The following RTN4RL1 variants were observed in gnomAD, a reference collection of about 807,000 sequenced individuals.
RTN4RL1 encodes reticulon 4 receptor like 1, also known as reticulon-4 receptor-like 1.
Under a neutral mutation model 25.6 loss-of-function variants are expected in RTN4RL1, and 7 were observed. That is an observed-to-expected ratio of 0.27 (90% CI 0.16 to 0.51). The LOEUF is 0.51. Among genes scored for constraint, RTN4RL1 ranks in the 20% least tolerant of loss-of-function variants. RTN4RL1 has a pLI of 0.97. For missense variants in RTN4RL1, 500 were observed against 615.6 expected, an observed-to-expected ratio of 0.81 and a Z score of 1.99; for synonymous variants, 297 against 288.2, an observed-to-expected ratio of 1.03 and a Z score of -0.31.
chr17:1,947,716 C>G (rs1400606211), intron 1 of RTN4RL1, among the ~76,000 whole-genome samples: 1 of 152,258 alleles, frequency 6.6e-6, no homozygotes, highest in Non-Finnish European at 1.5e-5. Context: ...CCCCTACCCT[C>G]TGCCCATCGG....
intron 1 of RTN4RL1, among the ~76,000 whole-genome samples, chr17:1,949,696 C>G (rs1395171562): frequency 6.6e-6 from 1 of 152,164 alleles, no homozygotes; most frequent in Non-Finnish European, 1.5e-5. Flanking sequence ...GCAAGAGGCT[C>G]GGCTCCTTCC....
intron 1 of RTN4RL1, among the ~76,000 whole-genome samples, chr17:2,005,451 C>T (rs1393685760): frequency 6.6e-6 from 1 of 152,226 alleles, no homozygotes; most frequent in Non-Finnish European, 1.5e-5. Context: ...TTAATCACTC[C>T]ACTCAGAGGT....
intron 1 of RTN4RL1, among the ~76,000 whole-genome samples, chr17:1,948,405 C>A (rs72808043): frequency 0.014 from 2,131 of 152,376 alleles, 29 homozygotes; most frequent in Non-Finnish European, 0.022. Context: ...GGGCTGAAGG[C>A]CGAGGGCTTC....
intron 1 of RTN4RL1, among the ~76,000 whole-genome samples, chr17:1,951,483 G>A (rs191037685): frequency 6.0e-4 from 90 of 151,234 alleles, no homozygotes; most frequent in African/African-American, 1.7e-3. Context: ...ACAGAGTCTC[G>A]CTCTGTCTCA....
At chr17:1,973,091 G>C (rs894542089) in intron 1 of RTN4RL1, among the ~76,000 whole-genome samples, 1 of 152,168 alleles carries the variant, frequency 6.6e-6, no homozygotes, top group African/African-American at 2.4e-5. Flanking sequence ...GGCTGGGCAC[G>C]GCGGCTCATG....
At chr17:1,976,962 C>T (rs1013899870) in intron 1 of RTN4RL1, among the ~76,000 whole-genome samples, 1 of 152,156 alleles carries the variant, frequency 6.6e-6, no homozygotes, top group African/African-American at 2.4e-5. Context: ...TTAGCTAGTG[C>T]CTGGCTCGGA....
rs945295543 is a variant in RTN4RL1 at position 1,998,309 on chromosome 17, C to A, written c.13+26544G>T. On this transcript the variant is annotated intron_variant, in intron 1 of 1. Transcript: ENST00000331238. The surrounding 1 kb of genome is among the most constrained non-coding windows in gnomAD (Gnocchi z 4.9). The stretch of plus-strand genomic sequence containing the variant: ...CTCCCGCAGGCCGACCCGAGCCGAG[C>A]GCGCCCTTTGGGCACCGGCCCCGCC... 2.6e-5 allele frequency among the ~76,000 whole-genome samples: 4 copies of A among 152,196 alleles called. No homozygotes were observed. Among genetic ancestry groups the A allele is most frequent in the Non-Finnish European group, 5.9e-5 (4 of 68,010 alleles).
intron 1 of RTN4RL1, among the ~76,000 whole-genome samples, chr17:2,016,699 C>T (rs117762285): frequency 6.6e-6 from 1 of 152,240 alleles, no homozygotes; most frequent in South Asian, 2.1e-4. Context: ...CAGCGACAGG[C>T]GGCAGCAGGC....
intron 1 of RTN4RL1, among the ~76,000 whole-genome samples, chr17:2,022,038 G>C (rs1416265850): frequency 6.6e-6 from 1 of 150,852 alleles, no homozygotes; most frequent in East Asian, 2.0e-4. Context: ...ATTTTGGCCG[G>C]GTGCAGTGAC....
At chr17:2,023,705 C>G (rs2067240219) in intron 1 of RTN4RL1, 1 of 150,728 alleles carries the variant, frequency 6.6e-6, no homozygotes, top group African/African-American at 2.4e-5. Context: ...ACCCCCTCCC[C>G]GTGCGCGTTT....
intron 1 of RTN4RL1, among the ~76,000 whole-genome samples, chr17:1,988,318 T>C (rs1264042981): frequency 2.0e-5 from 3 of 149,482 alleles, no homozygotes; most frequent in East Asian, 3.9e-4. Flanking sequence ...GGCAGGAGAA[T>C]TGCTTGAACC....
At position 1,957,383 on chromosome 17, in the gene RTN4RL1, AC is replaced by A. The variant is rs1915814040; in HGVS notation, c.14-19576del. Reference sequence around the variant, plus strand: ...CCCGTGAGCCTCATATGAAGAGGAGACCGTGGGGAAGGGAAGGGGGTTAACA... The same window carrying A: ...CCCGTGAGCCTCATATGAAGAGGAGACGTGGGGAAGGGAAGGGGGTTAACA... On this transcript the variant is annotated intron_variant, in intron 1 of 1. Coordinates refer to ENST00000331238, the MANE Select transcript of RTN4RL1 (RefSeq NM_178568.4). Among the ~76,000 whole-genome samples, 3 of 152,104 alleles carry A rather than the reference AC, an allele frequency of 2.0e-5. No homozygotes were observed. The South Asian group carries it at 6.2e-4, about 32-fold the overall frequency.
rs138155864 is a variant in RTN4RL1 at position 1,987,966 on chromosome 17, T to C, written c.13+36887A>G. ...ATTAAAAATACAAAAATTAGCCGGGTGTGGTGGCACACACCTGTAATCCCA... is the reference window on the plus strand; with the variant it reads ...ATTAAAAATACAAAAATTAGCCGGGCGTGGTGGCACACACCTGTAATCCCA... On this transcript the variant is annotated intron_variant, in intron 1 of 1. Transcript: ENST00000331238. Among the ~76,000 whole-genome samples, 1,260 of 151,446 alleles carry C rather than the reference T, an allele frequency of 8.3e-3. 24 individuals carry two copies. The highest frequency in any genetic ancestry group is 0.029 in the African/African-American group (1,199 of 41,218).
At chr17:2,018,664 G>A (rs1401986817) in intron 1 of RTN4RL1, among the ~76,000 whole-genome samples, 1 of 152,198 alleles carries the variant, frequency 6.6e-6, no homozygotes, top group Non-Finnish European at 1.5e-5. Context: ...CAGAGCGGGG[G>A]CTGCATCCTG....
chr17:1,940,405 C>T (rs1050667095), intron 1 of RTN4RL1, among the ~76,000 whole-genome samples: 1 of 152,158 alleles, frequency 6.6e-6, no homozygotes, highest in Non-Finnish European at 1.5e-5. Flanking sequence ...CAGGCTGGGC[C>T]GAGGCTGCTG....
intron 1 of RTN4RL1, among the ~76,000 whole-genome samples, chr17:1,949,944 CAA>C (rs1915639569): frequency 2.6e-5 from 4 of 152,164 alleles, no homozygotes; most frequent in Admixed American, 6.5e-5. Context: ...ACAGCAGGTG[CAA>C]AGGCCCTGAG....
At chr17:2,022,886 G>A (rs1251128566) in intron 1 of RTN4RL1, among the ~76,000 whole-genome samples, 1 of 152,222 alleles carries the variant, frequency 6.6e-6, no homozygotes, top group Non-Finnish European at 1.5e-5. Flanking sequence ...TCCGGTGGCC[G>A]CCTCTTGTGC....
At position 2,025,050 on chromosome 17, in the gene RTN4RL1, G is replaced by T; in HGVS notation, c.-185C>A. On this transcript the variant is annotated 5_prime_UTR_variant, in exon 1 of 2. Coordinates refer to ENST00000331238, the MANE Select transcript of RTN4RL1 (RefSeq NM_178568.4). The surrounding 1 kb of genome is among the most constrained non-coding windows in gnomAD (Gnocchi z 4.8). ...TGGTGAGCTCCAGCCCCGCGCCGAG[G>T]GCACCGGCGCCCGCAAGCAACCGTG... 1 of 481,900 alleles carries T rather than the reference G, an allele frequency of 2.1e-6. No homozygotes were observed. Among genetic ancestry groups the T allele is most frequent in the Non-Finnish European group, 3.5e-6 (1 of 285,428 alleles). 29.9% of individuals were successfully genotyped at this position (481,900 alleles called of 1,614,324 possible). A position where few individuals can be genotyped will look rare whatever the true frequency, so the allele number is the denominator to read the frequency against.
In RTN4RL1 at chr17:1,936,051, T is replaced by C; in HGVS notation, c.*445A>G. 2.0e-6 allele frequency: 2 copies of C among 994,130 alleles called. No individual in the cohort carries two copies. Among genetic ancestry groups the C allele is most frequent in the South Asian group, 4.6e-5 (1 of 21,764 alleles). The allele number at this position is 994,130 out of a possible 1,614,324, so 61.6% of individuals were successfully genotyped here. A position where few individuals can be genotyped will look rare whatever the true frequency, so the allele number is the denominator to read the frequency against. On this transcript the variant is annotated 3_prime_UTR_variant, in exon 2 of 2. Coordinates refer to ENST00000331238, the MANE Select transcript of RTN4RL1 (RefSeq NM_178568.4). The stretch of plus-strand genomic sequence containing the variant: ...ACCTGCTCGTGTGTGCCCAGACTGC[T>C]GGCCACCCAGCCTCGTGGGTGAGCC...
Sources: gnomAD v4.1 joint callset for allele counts (sites outside exome capture counted in the v4.1 genomes callset) on GRCh38, gnomAD v4.1.1 for gene constraint, Gnocchi (gnomAD v3.1) non-coding constraint, MANE v1.5 for transcripts, NCBI Gene and HGNC (gene_info 2026-07-23, HGNC 2026-07-21) for gene names.